The following PTPRN2 variants were observed in gnomAD, a reference collection of about 807,000 sequenced individuals.
PTPRN2 encodes protein tyrosine phosphatase receptor type N2.
Under a neutral mutation model 118.8 loss-of-function variants are expected in PTPRN2, and 74 were observed. The observed-to-expected ratio is 0.62, with a 90% CI of 0.52 to 0.76. The LOEUF (loss-of-function observed/expected upper bound fraction) is 0.76. PTPRN2 is among the 30% of genes least tolerant of loss of function. The pLI is 0.00. For synonymous variants in PTPRN2, 641 were observed against 608.0 expected, an observed-to-expected ratio of 1.05 and a Z score of -0.80; for missense variants, 1,481 against 1,394.4, an observed-to-expected ratio of 1.06 and a Z score of -0.99.
intron 2 of PTPRN2, among the ~76,000 whole-genome samples, chr7:158,398,291 T>C (rs1414988690): frequency 3.3e-5 from 5 of 152,226 alleles, no homozygotes; most frequent in African/African-American, 1.2e-4. Flanking sequence ...ATGCTAGATA[T>C]TATTATCCCA....
chr7:158,242,228 G>A (rs550034644), intron 3 of PTPRN2, among the ~76,000 whole-genome samples: 8 of 152,218 alleles, frequency 5.3e-5, no homozygotes, highest in South Asian at 4.2e-4. Context: ...CTCTCCCATC[G>A]TTTATTTTCA....
chr7:158,153,252 C>T (rs193077619), intron 6 of PTPRN2, among the ~76,000 whole-genome samples: 211 of 152,342 alleles, frequency 1.4e-3, no homozygotes, highest in African/African-American at 4.8e-3. Flanking sequence ...CTCAAAACAA[C>T]CTTGCACTTA....
At position 157,869,183 on chromosome 7, in the gene PTPRN2, C is replaced by T. The variant is rs1385073808; in HGVS notation, c.1788+29490G>A. The T allele has an allele frequency of 6.6e-6, 1 of 152,102 alleles. No homozygotes were observed. Among genetic ancestry groups the T allele is most frequent in the African/African-American group, 2.4e-5 (1 of 41,410 alleles). The allele number at this position is 152,102 out of a possible 1,614,324, so 9.4% of individuals were successfully genotyped here. ...ATCTTTCCTGATACCTCAACTTTGC[C>T]AGGGTCCTAAGCGTGTGCTTAGGTA... is the stretch of plus-strand genomic sequence containing the variant. On this transcript the variant is annotated intron_variant, in intron 12 of 22. Transcript: ENST00000389418. The surrounding 1 kb of genome is among the most constrained non-coding windows in gnomAD (Gnocchi z 4.2).
At chr7:157,847,700 G>C (rs1808952130) in intron 12 of PTPRN2, among the ~76,000 whole-genome samples, 1 of 140,572 alleles carries the variant, frequency 7.1e-6, no homozygotes, top group African/African-American at 2.7e-5. Context: ...TGTTTACAGA[G>C]CGCTCTCTCA....
chr7:157,719,150 A>G (rs1228591154), intron 12 of PTPRN2, among the ~76,000 whole-genome samples: 2 of 152,160 alleles, frequency 1.3e-5, no homozygotes, highest in African/African-American at 4.8e-5. Flanking sequence ...CTGAGCAGGA[A>G]GCCCCATGAG....
chr7:158,427,956 ACGCGGGG>A (rs1179544077), intron 2 of PTPRN2, among the ~76,000 whole-genome samples: 2 of 116,680 alleles, frequency 1.7e-5, no homozygotes, highest in Non-Finnish European at 3.7e-5. Flanking sequence ...GCCGGGAAAG[ACGCGGGG>A]TCCGAGACCA....
intron 12 of PTPRN2, among the ~76,000 whole-genome samples, chr7:157,822,172 T>C (rs111204846): frequency 0.011 from 1,669 of 151,784 alleles, 35 homozygotes; most frequent in African/African-American, 0.039. Context: ...CTATACACTA[T>C]CCATCATCCA....
At chr7:157,962,423 A>G (rs1251687580) in intron 11 of PTPRN2, among the ~76,000 whole-genome samples, 3 of 152,206 alleles carry the variant, frequency 2.0e-5, no homozygotes, top group Admixed American at 6.5e-5. Flanking sequence ...GTTCAGATAC[A>G]CAGAGGAATA....
intron 10 of PTPRN2, among the ~76,000 whole-genome samples, chr7:158,107,777 C>T (rs1037534832): frequency 3.3e-5 from 5 of 152,086 alleles, no homozygotes; most frequent in African/African-American, 7.2e-5. Flanking sequence ...TGCATCTTCT[C>T]GTGTCCCCTG....
intron 17 of PTPRN2, among the ~76,000 whole-genome samples, chr7:157,588,720 C>T (rs972686003): frequency 6.6e-6 from 1 of 152,242 alleles, no homozygotes; most frequent in African/African-American, 2.4e-5. Flanking sequence ...GCCGAGGTCA[C>T]TGCTGCCGGA....
chr7:157,730,185 C>A (rs1799813861), intron 12 of PTPRN2, among the ~76,000 whole-genome samples: 2 of 101,208 alleles, frequency 2.0e-5, no homozygotes, highest in African/African-American at 6.3e-5. Flanking sequence ...GGCCACCACC[C>A]CTGCCCCCCC....
intron 14 of PTPRN2, among the ~76,000 whole-genome samples, chr7:157,649,402 G>C (rs948931043): frequency 7.8e-6 from 1 of 127,890 alleles, no homozygotes; most frequent in African/African-American, 2.8e-5. Flanking sequence ...AGCGTGCACT[G>C]AACTCGGTGG....
intron 2 of PTPRN2, among the ~76,000 whole-genome samples, chr7:158,328,444 A>C (rs1459152922): frequency 6.6e-6 from 1 of 152,256 alleles, no homozygotes; most frequent in Non-Finnish European, 1.5e-5. Context: ...CAGAGCAGCC[A>C]CTGACAGGCA....
chr7:158,336,686 C>CA (rs1805616690), intron 2 of PTPRN2, among the ~76,000 whole-genome samples: 1 of 123,950 alleles, frequency 8.1e-6, no homozygotes. Flanking sequence ...TAAGAGCTGA[C>CA]GCCCGCAGAC....
At chr7:158,325,201 G>T (rs1197243815) in intron 2 of PTPRN2, among the ~76,000 whole-genome samples, 3 of 152,208 alleles carry the variant, frequency 2.0e-5, no homozygotes, top group South Asian at 4.1e-4. Flanking sequence ...TCCACAGGGG[G>T]TCCCCCAGCC....
At chr7:158,247,342 G>A (rs1330410136) in intron 3 of PTPRN2, among the ~76,000 whole-genome samples, 1 of 152,214 alleles carries the variant, frequency 6.6e-6, no homozygotes, top group East Asian at 1.9e-4. Context: ...CGTGATGGGA[G>A]GTGGGGAAGT....
At chr7:158,306,862 T>TTG (rs766030772) in intron 3 of PTPRN2, among the ~76,000 whole-genome samples, 3 of 138,038 alleles carry the variant, frequency 2.2e-5, no homozygotes, top group East Asian at 2.0e-4. Flanking sequence ...TTTGTTTTTT[T>TTG]TTTTTTTTTT....
intron 1 of PTPRN2, among the ~76,000 whole-genome samples, chr7:158,512,764 A>G (rs1428990174): frequency 6.6e-6 from 1 of 152,154 alleles, no homozygotes; most frequent in Admixed American, 6.5e-5. Flanking sequence ...AGCCTCTTGT[A>G]GTGTCAGAAA....
intron 3 of PTPRN2, among the ~76,000 whole-genome samples, chr7:158,298,113 T>C (rs1177373707): frequency 2.0e-5 from 3 of 152,236 alleles, no homozygotes; most frequent in Admixed American, 1.3e-4. Flanking sequence ...ATGCCCTTTT[T>C]TGTCATTGTC....
Sources: allele counts gnomAD v4.1 joint callset (sites outside exome capture counted in the v4.1 genomes callset), GRCh38; gene constraint gnomAD v4.1.1; non-coding constraint Gnocchi (gnomAD v3.1); transcripts MANE v1.5; gene names NCBI Gene and HGNC (gene_info 2026-07-23, HGNC 2026-07-21).